The following ANXA4 variants were observed in gnomAD, a reference collection of about 807,000 sequenced individuals.
ANXA4 encodes the protein 35-beta calcimedin.
Under a neutral mutation model 49.8 loss-of-function variants are expected in ANXA4, and 39 were observed. The ratio of observed to expected loss-of-function variants is 0.78; its 90% confidence interval spans 0.61 to 1.02. The LOEUF is 1.02. ANXA4 is among the 50% of genes least tolerant of loss of function. ANXA4 has a pLI of 0.00. For missense variants in ANXA4, 360 were observed against 410.1 expected (o/e 0.88, Z 1.05); for synonymous variants, 134 against 152.5 (o/e 0.88, Z 0.89).
intron 2 of ANXA4, among the ~76,000 whole-genome samples, chr2:69,706,896 C>G (rs1258636822): frequency 6.6e-6 from 1 of 152,130 alleles, no homozygotes; most frequent in East Asian, 1.9e-4. Context: ...TGTCATCTAC[C>G]AAGTTAATGT....
upstream of ANXA4, chr2:69,644,019 C>T: frequency 7.1e-6 from 3 of 422,330 alleles, no homozygotes; most frequent in Non-Finnish European, 9.9e-6. Flanking sequence ...GGCTGCTGGA[C>T]TACAAATCCC....
intron 2 of ANXA4, among the ~76,000 whole-genome samples, chr2:69,656,321 A>ATG (rs1324597223): frequency 1.1e-4 from 11 of 98,916 alleles, no homozygotes; most frequent in South Asian, 3.5e-4. Context: ...ATGTATATAT[A>ATG]TGTATATATA....
chr2:69,679,618 T>C (rs565596150), intron 2 of ANXA4, among the ~76,000 whole-genome samples: 20 of 152,200 alleles, frequency 1.3e-4, no homozygotes, highest in Non-Finnish European at 2.2e-4. Context: ...TATGTTTTCT[T>C]CCAGTAGCTT....
intron 5 of ANXA4, 90 bp downstream of exon 5, chr2:69,806,588 G>T: frequency 9.7e-7 from 1 of 1,035,798 alleles, no homozygotes; most frequent in African/African-American, 1.6e-5. Flanking sequence ...AGAAAGACAT[G>T]GAAGCAACCT....
chr2:69,748,533 T>C (rs1268475236), intron 1 of ANXA4, among the ~76,000 whole-genome samples: 1 of 150,810 alleles, frequency 6.6e-6, no homozygotes, highest in Non-Finnish European at 1.5e-5. Context: ...TAAATTATAT[T>C]ACATAAATTA....
chr2:69,659,939 A>G (rs1227417095), intron 2 of ANXA4, among the ~76,000 whole-genome samples: 1 of 152,020 alleles, frequency 6.6e-6, no homozygotes, highest in Non-Finnish European at 1.5e-5. Context: ...GAAGCACCTT[A>G]GTCCTGGGCC....
rs1429610751 is a variant in ANXA4 at position 69,653,188 on chromosome 2, A to G, written n.672A>G. On this transcript the variant is annotated non_coding_transcript_exon_variant, in exon 2 of 4. Transcript: ENST00000418066. ...ACACTGGAGTAAAGGATGTTCTACT[A>G]GAAGTCTTATTCTGACTCCTAAAAC... 3.9e-5 allele frequency: 6 copies of G among 152,230 alleles called. No individual in the cohort carries two copies. The East Asian group carries it at 1.2e-3, about 29-fold the overall frequency. The allele number at this position is 152,230 out of a possible 1,614,324, so 9.4% of individuals were successfully genotyped here. A position where few individuals can be genotyped will look rare whatever the true frequency, so the allele number is the denominator to read the frequency against.
chr2:69,747,714 C>T (rs1573186327), intron 1 of ANXA4, among the ~76,000 whole-genome samples: 4 of 152,262 alleles, frequency 2.6e-5, no homozygotes, highest in African/African-American at 9.6e-5. Context: ...GAAAGGGGGT[C>T]TTGCTCTGTA....
At chr2:69,738,353 C>G (rs1473018522), upstream of ANXA4, among the ~76,000 whole-genome samples, 1 of 152,174 alleles carries the variant, frequency 6.6e-6, no homozygotes, top group African/African-American at 2.4e-5. Flanking sequence ...TGAGTTTGAA[C>G]TTGGCTGCCA....
At chr2:69,752,263 A>T (rs6736776) in intron 1 of ANXA4, among the ~76,000 whole-genome samples, 35,928 of 152,166 alleles carry the variant, frequency 0.24, 4,370 homozygotes, top group East Asian at 0.3. Flanking sequence ...GACAGGGCAG[A>T]TGAGTATTGA....
chr2:69,812,274 C>T (rs558606236), intron 7 of ANXA4, among the ~76,000 whole-genome samples: 1 of 152,200 alleles, frequency 6.6e-6, no homozygotes, highest in Non-Finnish European at 1.5e-5. Context: ...CACATCCCGA[C>T]CCCCTTTTGG....
intron 2 of ANXA4, among the ~76,000 whole-genome samples, chr2:69,785,586 G>C (rs1424001915): frequency 6.6e-6 from 1 of 152,062 alleles, no homozygotes; most frequent in African/African-American, 2.4e-5. Flanking sequence ...TGATGTTTCT[G>C]AGTTTTTGTT....
intron 3 of ANXA4, among the ~76,000 whole-genome samples, chr2:69,797,961 T>C (rs1341997062): frequency 6.6e-6 from 1 of 152,210 alleles, no homozygotes; most frequent in Non-Finnish European, 1.5e-5. Context: ...TTTGCCTCCA[T>C]ATGCTCTTTA....
intron 10 of ANXA4, 150 bp downstream of exon 10, chr2:69,818,844 ATAT>A (rs1182498350): frequency 3.4e-6 from 2 of 591,988 alleles, no homozygotes; most frequent in Non-Finnish European, 6.1e-6. Flanking sequence ...TAAACAAGAA[ATAT>A]TATATACAAC....
chr2:69,776,983 C>G (rs1050855394), intron 1 of ANXA4, among the ~76,000 whole-genome samples: 6 of 152,160 alleles, frequency 3.9e-5, no homozygotes, highest in African/African-American at 1.4e-4. Flanking sequence ...CCCCTGTTGA[C>G]TTTCATCATT....
intron 1 of ANXA4, among the ~76,000 whole-genome samples, chr2:69,757,747 G>A (rs1170628887): frequency 1.3e-5 from 2 of 151,360 alleles, no homozygotes; most frequent in Non-Finnish European, 1.5e-5. Context: ...TCACGAGGTC[G>A]AGAGATTGAG....
intron 11 of ANXA4, among the ~76,000 whole-genome samples, chr2:69,820,483 G>T (rs116278191): frequency 6.6e-6 from 1 of 152,030 alleles, no homozygotes; most frequent in African/African-American, 2.4e-5. Flanking sequence ...AGCAGGGAAC[G>T]GCATCCTGTG....
At chr2:69,762,450 G>A (rs1306772020) in intron 1 of ANXA4, among the ~76,000 whole-genome samples, 1 of 151,776 alleles carries the variant, frequency 6.6e-6, no homozygotes, top group Non-Finnish European at 1.5e-5. Context: ...GCACCTTTCT[G>A]TGTTAGCATC....
At chr2:69,757,886 G>A (rs1319070737) in intron 1 of ANXA4, among the ~76,000 whole-genome samples, 2 of 150,728 alleles carry the variant, frequency 1.3e-5, no homozygotes, top group Non-Finnish European at 3.0e-5. Context: ...TTGAACCCAG[G>A]GGATGGAGGT....
Sources: gnomAD v4.1 joint callset for allele counts (sites outside exome capture counted in the v4.1 genomes callset) on GRCh38, gnomAD v4.1.1 for gene constraint, MANE v1.5 for transcripts, NCBI Gene and HGNC (gene_info 2026-07-23, HGNC 2026-07-21) for gene names.